PRDM1: variants seen among roughly 807,000 people sequenced by gnomAD.
PRDM1 encodes PR domain zinc finger protein 1.
PRDM1 carries 13 observed loss-of-function variants against 62.8 expected under a neutral mutation model. That is an observed-to-expected ratio of 0.21 (90% CI 0.13 to 0.33). PRDM1 has a LOEUF of 0.33. PRDM1 is among the 10% of genes least tolerant of loss of function. The pLI is 1.00. For missense variants in PRDM1, 895 were observed against 1,058.8 expected (o/e 0.85, Z 2.15); for synonymous variants, 396 against 417.6 (o/e 0.95, Z 0.63).
chr6:106,099,056 T>C, intron 3 of PRDM1: 1 of 1,613,874 alleles, frequency 6.2e-7, no homozygotes, highest in Non-Finnish European at 8.5e-7. Flanking sequence ...TCTGTTATTT[T>C]CCCGAACATG....
chr6:105,993,414 A>G (rs1296284685), upstream of PRDM1, among the ~76,000 whole-genome samples: 1 of 152,174 alleles, frequency 6.6e-6, no homozygotes, highest in Non-Finnish European at 1.5e-5. Context: ...ACCTGCCCCT[A>G]GGTATGTTTG....
At chr6:106,008,253 G>T (rs1772505364) in intron 1 of PRDM1, among the ~76,000 whole-genome samples, 1 of 152,054 alleles carries the variant, frequency 6.6e-6, no homozygotes, top group African/African-American at 2.4e-5. Context: ...CGCGCCTGTA[G>T]TCCCAGCTAC....
At chr6:106,036,181 G>A (rs1772923428) in intron 1 of PRDM1, among the ~76,000 whole-genome samples, 1 of 152,014 alleles carries the variant, frequency 6.6e-6, no homozygotes, top group Non-Finnish European at 1.5e-5. Context: ...CAGAGCCTAA[G>A]TCTGTTACCC....
chr6:106,105,039 C>A lies in PRDM1; in HGVS notation c.879C>A (p.Phe293Leu), dbSNP rs769167487. ...GACGTGGGAGCCCCGAAATGCCCTTCTACCCTCGGGTCGTTTACCCCATCC... is the reference window on the plus strand; with the variant it reads ...GACGTGGGAGCCCCGAAATGCCCTTATACCCTCGGGTCGTTTACCCCATCC... ...FRRRGSPEMP[F>L]YPRVVYPIRA... is the part of the protein sequence containing the mutation. Residue 293 changes from phenylalanine (F) to leucine (L), a missense_variant, in exon 5 of 7, where the codon TTC becomes TTA. Physicochemically the swap from Phe to Leu is conservative, Grantham distance 22. Transcript: ENST00000369096. 1 of 1,614,190 alleles carries A rather than the reference C, an allele frequency of 6.2e-7. No individual in the cohort carries two copies. The highest frequency in any genetic ancestry group is 2.2e-5 in the East Asian group (1 of 44,878).
exon 1 of PRDM1, among the ~76,000 whole-genome samples, chr6:106,048,550 C>G (rs917773793): frequency 2.0e-5 from 3 of 152,178 alleles, no homozygotes; most frequent in African/African-American, 7.2e-5. Context: ...CTTAGCCCCC[C>G]TTTCCTACAA....
intron 1 of PRDM1, among the ~76,000 whole-genome samples, chr6:106,060,166 A>G (rs1483809621): frequency 2.0e-5 from 3 of 152,204 alleles, no homozygotes; most frequent in African/African-American, 7.2e-5. Flanking sequence ...ACTCCAAGTC[A>G]TGCTATCTTT....
At chr6:106,017,230 C>T (rs62420709) in intron 1 of PRDM1, among the ~76,000 whole-genome samples, 5,996 of 152,272 alleles carry the variant, frequency 0.039, 144 homozygotes, top group Non-Finnish European at 0.057. Flanking sequence ...GTGCCCCAAC[C>T]CCCTCATTGC....
chr6:106,013,970 G>C (rs1255103052), intron 1 of PRDM1, among the ~76,000 whole-genome samples: 1 of 151,526 alleles, frequency 6.6e-6, no homozygotes, highest in Non-Finnish European at 1.5e-5. Flanking sequence ...TTCCTCCATA[G>C]CTCTTGTCAC....
chr6:106,076,139 T>C (rs1398725708), intron 1 of PRDM1, among the ~76,000 whole-genome samples: 1 of 151,954 alleles, frequency 6.6e-6, no homozygotes, highest in Non-Finnish European at 1.5e-5. Context: ...TTTGTAGAGA[T>C]GGGGTTTTGC....
intron 1 of PRDM1, among the ~76,000 whole-genome samples, chr6:106,051,732 C>T (rs1335197076): frequency 6.6e-6 from 1 of 151,952 alleles, no homozygotes; most frequent in Admixed American, 6.6e-5. Context: ...GAAATGATGC[C>T]GAAGTCTGAA....
At chr6:106,083,466 A>G (rs1202043635), upstream of PRDM1, among the ~76,000 whole-genome samples, 1 of 151,956 alleles carries the variant, frequency 6.6e-6, no homozygotes, top group Admixed American at 6.6e-5. Flanking sequence ...ATTTCCCTTC[A>G]TTCTACAATA....
At chr6:106,098,131 CCTG>C (rs750959914) in intron 3 of PRDM1, 23 of 890,190 alleles carry the variant, frequency 2.6e-5, no homozygotes, top group Non-Finnish European at 3.0e-5. Context: ...AAAGCAATAA[CCTG>C]CTGTCCGGTG....
chr6:106,004,586 A>AATTT (rs372569005), intron 1 of PRDM1, among the ~76,000 whole-genome samples: 6 of 152,314 alleles, frequency 3.9e-5, no homozygotes, highest in African/African-American at 1.4e-4. Flanking sequence ...TTCAGAAGAT[A>AATTT]ATTTATCTGA....
At chr6:106,095,054 A>AAAC (rs1554203880) in intron 2 of PRDM1, among the ~76,000 whole-genome samples, 37 of 149,812 alleles carry the variant, frequency 2.5e-4, no homozygotes, top group Non-Finnish European at 4.1e-4. Context: ...AAAAAAAAAA[A>AAAC]ACACACACAC....
At chr6:106,085,560 G>A (rs1301638521), upstream of PRDM1, among the ~76,000 whole-genome samples, 1 of 152,164 alleles carries the variant, frequency 6.6e-6, no homozygotes, top group East Asian at 1.9e-4. Context: ...CTGGGCTGGA[G>A]GAAAAGCTGG....
chr6:106,057,803 C>G (rs1235435306), intron 1 of PRDM1, among the ~76,000 whole-genome samples: 2 of 152,114 alleles, frequency 1.3e-5, no homozygotes, highest in Non-Finnish European at 2.9e-5. Flanking sequence ...ATTCCTATAC[C>G]TCTCTTACTC....
At chr6:106,041,771 T>C (rs1183243766) in intron 1 of PRDM1, among the ~76,000 whole-genome samples, 4 of 151,854 alleles carry the variant, frequency 2.6e-5, no homozygotes, top group Non-Finnish European at 5.9e-5. Context: ...ATTATCAACC[T>C]GGTAACATGG....
intron 1 of PRDM1, among the ~76,000 whole-genome samples, chr6:106,011,467 G>A (rs946553281): frequency 2.0e-5 from 3 of 152,200 alleles, no homozygotes; most frequent in African/African-American, 7.2e-5. Context: ...GGTTGCTGGA[G>A]GCAGCCTGCC....
intron 1 of PRDM1, among the ~76,000 whole-genome samples, chr6:106,009,306 T>G (rs1380780000): frequency 2.0e-5 from 3 of 152,230 alleles, no homozygotes; most frequent in African/African-American, 7.2e-5. Context: ...CAATTTATAG[T>G]GTGGCAAATA....
Sources: allele counts gnomAD v4.1 joint callset (sites outside exome capture counted in the v4.1 genomes callset), GRCh38; gene constraint gnomAD v4.1.1; transcripts MANE v1.5; gene names NCBI Gene and HGNC (gene_info 2026-07-23, HGNC 2026-07-21).